The following CDH13 variants were observed in gnomAD, a reference collection of about 807,000 sequenced individuals.
The protein encoded by CDH13 is cadherin-13.
Under a neutral mutation model 63.8 loss-of-function variants are expected in CDH13, and 24 were observed. The ratio of observed to expected loss-of-function variants is 0.38; its 90% confidence interval spans 0.27 to 0.53. CDH13 has a LOEUF of 0.53. Ranked by LOEUF, CDH13 falls within the 20% of genes least tolerant of loss-of-function variation. CDH13 has a pLI of 0.85. For synonymous variants in CDH13, 503 were observed against 355.3 expected, an observed-to-expected ratio of 1.42 and a Z score of -4.67; for missense variants, 1,049 against 903.1, an observed-to-expected ratio of 1.16 and a Z score of -2.07.
chr16:83,410,434 A>G lies in CDH13; in HGVS notation c.781+65428A>G, dbSNP rs1170826110. Among the ~76,000 whole-genome samples the G allele has an allele frequency of 2.0e-5, 3 of 152,220 alleles. No homozygotes were observed. In the East Asian group the frequency reaches 5.8e-4, roughly 29 times the overall value. On this transcript the variant is annotated intron_variant, in intron 6 of 13. Transcript: ENST00000567109. ...GAAAATTCATGTTGCATTTCTAAGC[A>G]TCTGACCACAATCTATAGATCAAGA...
intron 6 of CDH13, among the ~76,000 whole-genome samples, chr16:83,437,483 C>A (rs1374447729): frequency 6.6e-6 from 1 of 152,018 alleles, no homozygotes; most frequent in Non-Finnish European, 1.5e-5. Context: ...CGAGACCATC[C>A]TGGCTAACAC....
chr16:83,132,269 T>G (rs2151657796), intron 4 of CDH13, among the ~76,000 whole-genome samples: 1 of 152,268 alleles, frequency 6.6e-6, no homozygotes, highest in East Asian at 1.9e-4. Flanking sequence ...TGCTGTTGCC[T>G]GATTGATTTT....
intron 2 of CDH13, among the ~76,000 whole-genome samples, chr16:82,985,466 C>G (rs1910816076): frequency 6.6e-6 from 1 of 152,146 alleles, no homozygotes; most frequent in Non-Finnish European, 1.5e-5. Context: ...GCTTTGATGA[C>G]AACTGTATTC....
chr16:82,666,149 A>G (rs186394659), intron 1 of CDH13, among the ~76,000 whole-genome samples: 2 of 152,084 alleles, frequency 1.3e-5, no homozygotes, highest in African/African-American at 2.4e-5. Context: ...TTTTTTGCCA[A>G]AAAATATAGC....
intron 5 of CDH13, among the ~76,000 whole-genome samples, chr16:83,268,813 G>C (rs1216104410): frequency 1.3e-5 from 2 of 152,164 alleles, no homozygotes; most frequent in African/African-American, 4.8e-5. Context: ...CCTAAGGAGT[G>C]AGTGTCTGAG....
At chr16:83,759,268 G>A (rs1237969177) in intron 11 of CDH13, among the ~76,000 whole-genome samples, 5 of 152,086 alleles carry the variant, frequency 3.3e-5, no homozygotes, top group Non-Finnish European at 7.4e-5. Flanking sequence ...TTCTAACAAG[G>A]AAAACACAAC....
At chr16:82,723,949 T>A (rs577014122) in intron 1 of CDH13, among the ~76,000 whole-genome samples, 1 of 152,112 alleles carries the variant, frequency 6.6e-6, no homozygotes, top group Non-Finnish European at 1.5e-5. Context: ...ACAGATGATG[T>A]TGGGGGCAAT....
At chr16:83,330,667 G>T (rs1047288479) in intron 5 of CDH13, among the ~76,000 whole-genome samples, 2 of 152,214 alleles carry the variant, frequency 1.3e-5, no homozygotes, top group Non-Finnish European at 2.9e-5. Context: ...AATCCCCAGA[G>T]TGTGGGCCTG....
At chr16:83,030,821 G>A (rs142691561) in intron 2 of CDH13, among the ~76,000 whole-genome samples, 126 of 151,812 alleles carry the variant, frequency 8.3e-4, no homozygotes, top group African/African-American at 2.9e-3. Flanking sequence ...TTGTTTCCCA[G>A]AGACATTTTC....
intron 4 of CDH13, among the ~76,000 whole-genome samples, chr16:83,184,162 C>CAA (rs1567486750): frequency 0.015 from 2,038 of 139,814 alleles, 67 homozygotes; most frequent in African/African-American, 0.055. Context: ...AAAAAAAAGT[C>CAA]AGAACAATGA....
intron 4 of CDH13, among the ~76,000 whole-genome samples, chr16:83,155,425 A>G (rs947982294): frequency 2.0e-5 from 3 of 152,190 alleles, no homozygotes; most frequent in African/African-American, 7.2e-5. Flanking sequence ...AGTGAAGGCC[A>G]AGGTCTAATT....
intron 5 of CDH13, among the ~76,000 whole-genome samples, chr16:83,281,803 C>T (rs559724137): frequency 4.8e-4 from 72 of 151,460 alleles, no homozygotes; most frequent in African/African-American, 1.6e-3. Flanking sequence ...ATCCCAGCTA[C>T]TCGGGAGGCT....
chr16:83,044,364 T>G (rs183207870), intron 3 of CDH13, among the ~76,000 whole-genome samples: 72 of 152,344 alleles, frequency 4.7e-4, no homozygotes, highest in African/African-American at 1.7e-3. Flanking sequence ...CATAGGAAAT[T>G]AAAAAGTTGT....
intron 3 of CDH13, among the ~76,000 whole-genome samples, chr16:83,099,176 A>G (rs1441376025): frequency 6.6e-6 from 1 of 152,186 alleles, no homozygotes; most frequent in Admixed American, 6.5e-5. Flanking sequence ...TATGTTGCAT[A>G]TATTAGAATA....
chr16:82,696,468 A>G (rs911351224), intron 1 of CDH13, among the ~76,000 whole-genome samples: 1 of 152,230 alleles, frequency 6.6e-6, no homozygotes, highest in Admixed American at 6.5e-5. Flanking sequence ...GGTCTTTGAC[A>G]TGGCAACATG....
rs34697339 is a variant in CDH13 at position 83,678,282 on chromosome 16, C to T, written c.1359C>T (p.Asp453=). The stretch of plus-strand genomic sequence containing the variant: ...AAAATGAAGACCCACTCGTACCCGA[C>T]GTCTCCTACGGCCCCAGCTCCACAG... The part of the protein sequence containing the change: ...KVENEDPLVP[D]VSYGPSSTAT... The change falls in exon 10 of 14, where the codon GAC becomes GAT. Residue 453 remains aspartate (D), a synonymous_variant. Coordinates refer to ENST00000567109, the MANE Select transcript of CDH13 (RefSeq NM_001257.5). 0.04 allele frequency: 63,853 copies of T among 1,613,856 alleles called. 1,819 individuals carry two copies. Among genetic ancestry groups the T allele is most frequent in the African/African-American group, 0.13 (9,878 of 74,974 alleles).
At chr16:82,782,477 G>A (rs970110264) in intron 1 of CDH13, among the ~76,000 whole-genome samples, 5 of 151,908 alleles carry the variant, frequency 3.3e-5, no homozygotes, top group Non-Finnish European at 5.9e-5. Context: ...ACTTGAACTC[G>A]GGAGGCGGAG....
chr16:83,264,751 T>A (rs1907407094), intron 5 of CDH13, among the ~76,000 whole-genome samples: 1 of 151,472 alleles, frequency 6.6e-6, no homozygotes, highest in African/African-American at 2.4e-5. Flanking sequence ...TTTGGCTGGT[T>A]TTTTTTTTCT....
At chr16:83,458,126 G>A (rs2073073732) in intron 6 of CDH13, among the ~76,000 whole-genome samples, 1 of 152,138 alleles carries the variant, frequency 6.6e-6, no homozygotes, top group African/African-American at 2.4e-5. Context: ...AAACCCCAGG[G>A]CTTTCCTCGT....
Sources: allele counts gnomAD v4.1 joint callset (sites outside exome capture counted in the v4.1 genomes callset), GRCh38; gene constraint gnomAD v4.1.1; transcripts MANE v1.5; gene names NCBI Gene and HGNC (gene_info 2026-07-23, HGNC 2026-07-21).